USP31: variants seen among roughly 807,000 people sequenced by gnomAD.
USP31 encodes ubiquitin specific peptidase 31.
A neutral mutation model predicts 119.4 loss-of-function variants in USP31; 44 were observed. The ratio of observed to expected loss-of-function variants is 0.37; its 90% CI spans 0.29 to 0.47. The LOEUF is 0.47. USP31 is among the 20% of genes least tolerant of loss of function. The pLI is 0.99. For missense variants in USP31, 1,643 were observed against 1,730.2 expected (o/e 0.95, Z 0.89); for synonymous variants, 749 against 705.6 (o/e 1.06, Z -0.97).
Position 23,073,766 on chromosome 16 carries a change from C to A in USP31, c.2291G>T (p.Arg764Met). Reference sequence around the variant, plus strand: ...TGACCATGACGGGATGGCTGTCCGCCTCTGGTAGAAGAGGATGTATGCTGT... The same window carrying A: ...TGACCATGACGGGATGGCTGTCCGCATCTGGTAGAAGAGGATGTATGCTGT... ...TQTAYILFYQ[R>M]RTAIPSWSAN... The change falls in exon 14 of 16, where the codon AGG becomes ATG. Residue 764 changes from arginine (R) to methionine (M), a missense_variant. Physicochemically the swap from Arg to Met is moderately conservative, Grantham distance 91. Transcript: ENST00000219689. The A allele has an allele frequency of 1.2e-6, 2 of 1,613,680 alleles. No individual in the cohort carries two copies. The highest frequency in any genetic ancestry group is 2.2e-5 in the South Asian group (2 of 91,054).
intron 11 of USP31, among the ~76,000 whole-genome samples, chr16:23,082,829 C>CTTTTT (rs1388989158): frequency 2.3e-3 from 273 of 116,358 alleles, no homozygotes; most frequent in African/African-American, 7.3e-3. Flanking sequence ...TTCTTTCTCT[C>CTTTTT]TCTTTTTTTT....
chr16:23,068,380 G>A lies in USP31; in HGVS notation c.3725C>T (p.Thr1242Met), dbSNP rs758329347. Reference sequence around the variant, plus strand: ...GAGCAAGGCTGTCTTGCCAAGATCCGTCGAGCGCCGGGTTTCCTTCTGTCT... The same window carrying A: ...GAGCAAGGCTGTCTTGCCAAGATCCATCGAGCGCCGGGTTTCCTTCTGTCT... The part of the protein sequence containing the change: ...ALRQKETRRS[T>M]DLGKTALLSK... The change falls in exon 16 of 16, where the codon ACG becomes ATG. Residue 1242 changes from threonine (T) to methionine (M), a missense_variant. Thr to Met is a moderately conservative substitution (Grantham distance 81). Coordinates refer to ENST00000219689, the MANE Select transcript of USP31 (RefSeq NM_020718.4). 3.0e-5 allele frequency: 49 copies of A among 1,613,950 alleles called. No individual in the cohort carries two copies. Among genetic ancestry groups the A allele is most frequent in the Non-Finnish European group, 3.7e-5 (44 of 1,180,046 alleles).
At chr16:23,095,495 G>A (rs1007717713) in intron 6 of USP31, among the ~76,000 whole-genome samples, 3 of 152,044 alleles carry the variant, frequency 2.0e-5, no homozygotes, top group Non-Finnish European at 2.9e-5. Context: ...GAAATATAGA[G>A]AACACCACAA....
Position 23,061,928 on chromosome 16 carries a change from G to GT in USP31, c.*6117dup, listed in dbSNP as rs1276090141. ...GCAGACCTCTATGGAATGCAAACACGTATTTGAAAGGCCTACAAAGAGAAC... is the reference window on the plus strand; with the variant it reads ...GCAGACCTCTATGGAATGCAAACACGTTATTTGAAAGGCCTACAAAGAGAAC... On this transcript the variant is annotated 3_prime_UTR_variant, in exon 16 of 16. Coordinates refer to ENST00000219689, the MANE Select transcript of USP31 (RefSeq NM_020718.4). 5.2e-5 allele frequency: 8 copies of GT among 152,658 alleles called. No homozygotes were observed. Among genetic ancestry groups the GT allele is most frequent in the Non-Finnish European group, 8.8e-5 (6 of 68,038 alleles). 9.5% of individuals were successfully genotyped at this position (152,658 alleles called of 1,614,324 possible).
At chr16:23,133,748 T>A (rs1367947882) in intron 1 of USP31, among the ~76,000 whole-genome samples, 4 of 152,176 alleles carry the variant, frequency 2.6e-5, no homozygotes, top group Non-Finnish European at 5.9e-5. Context: ...CGTGGTTACC[T>A]GCCCCAAATT....
At chr16:23,119,360 G>A (rs1314590917) in intron 1 of USP31, among the ~76,000 whole-genome samples, 2 of 152,082 alleles carry the variant, frequency 1.3e-5, no homozygotes, top group Non-Finnish European at 2.9e-5. Flanking sequence ...AGCCTCCCAC[G>A]GTGCTGGGAT....
intron 5 of USP31, 103 bp downstream of exon 5, chr16:23,105,338 T>C: frequency 7.4e-7 from 1 of 1,351,796 alleles, no homozygotes. Flanking sequence ...TGGTTTTAAA[T>C]CTCTATCCAA....
At chr16:23,100,277 C>T (rs1374778242) in intron 6 of USP31, among the ~76,000 whole-genome samples, 4 of 152,132 alleles carry the variant, frequency 2.6e-5, no homozygotes, top group Non-Finnish European at 5.9e-5. Context: ...CCCAAATGTT[C>T]ATTAACAATG....
At chr16:23,110,800 A>G (rs547333175) in intron 1 of USP31, among the ~76,000 whole-genome samples, 4 of 152,258 alleles carry the variant, frequency 2.6e-5, no homozygotes, top group African/African-American at 9.6e-5. Context: ...TATAACCAGC[A>G]CTCAAATTTT....
At position 23,065,710 on chromosome 16, in the gene USP31, T is replaced by A. The variant is rs72772500; in HGVS notation, c.*2336A>T. On this transcript the variant is annotated 3_prime_UTR_variant, in exon 16 of 16. Coordinates refer to ENST00000219689, the MANE Select transcript of USP31 (RefSeq NM_020718.4). ...TAGAAACGTTTTTCCTTTTTTTTTTTAAGTCACTAGACATCGTGGAAAATC... is the reference window on the plus strand; with the variant it reads ...TAGAAACGTTTTTCCTTTTTTTTTTAAAGTCACTAGACATCGTGGAAAATC... 8.1e-3 allele frequency: 1,231 copies of A among 152,282 alleles called. 14 individuals are homozygous for A. Among genetic ancestry groups the A allele is most frequent in the Non-Finnish European group, 9.3e-3 (634 of 67,998 alleles). The allele number at this position is 152,282 out of a possible 1,614,324, so 9.4% of individuals were successfully genotyped here. A position where few individuals can be genotyped will look rare whatever the true frequency, so the allele number is the denominator to read the frequency against.
chr16:23,068,212 G>C lies in USP31; in HGVS notation c.3893C>G (p.Pro1298Arg). The C allele has an allele frequency of 6.2e-7, 1 of 1,614,190 alleles. No individual in the cohort carries two copies. The highest frequency in any genetic ancestry group is 8.5e-7 in the Non-Finnish European group (1 of 1,180,032). Residue 1298 changes from proline to arginine, a missense_variant, in exon 16 of 16, where the codon CCT (proline) becomes CGT (arginine). Coordinates refer to ENST00000219689, the MANE Select transcript of USP31 (RefSeq NM_020718.4). ...TGKEQLVTKD[P>R]ASAKHSLLSA... ...CAGCAGGGAATGTTTGGCAGAAGCA[G>C]GGTCCTTGGTGACAAGCTGCTCTTT...
chr16:23,119,965 C>A (rs1273855461), intron 1 of USP31, among the ~76,000 whole-genome samples: 1 of 152,196 alleles, frequency 6.6e-6, no homozygotes, highest in Non-Finnish European at 1.5e-5. Flanking sequence ...GTCCATCCTT[C>A]CCCGCACAAC....
rs372903018 is a variant in USP31, at chr16:23,083,336, T to C, written c.1831-779A>G. On this transcript the variant is annotated intron_variant, in intron 11 of 15. Transcript: ENST00000219689. ...TCCTCCAGGAACTTTGCTTCCTTTA[T>C]TTACTTGTTCCACTAGACTACAAAC... Among the ~76,000 whole-genome samples, 6 of 152,294 alleles carry C rather than the reference T, an allele frequency of 3.9e-5. No homozygotes were observed. In the East Asian group the frequency reaches 1.2e-3, roughly 29 times the overall value.
At chr16:23,122,398 C>T (rs1902702070) in intron 1 of USP31, among the ~76,000 whole-genome samples, 1 of 152,156 alleles carries the variant, frequency 6.6e-6, no homozygotes, top group South Asian at 2.1e-4. Context: ...TGGAAAAGTG[C>T]CTGACGGCTC....
intron 7 of USP31, among the ~76,000 whole-genome samples, chr16:23,089,214 C>G (rs1023081347): frequency 6.6e-6 from 1 of 152,146 alleles, no homozygotes; most frequent in Admixed American, 6.5e-5. Flanking sequence ...ATCCTTTCCC[C>G]CCATGTTCAC....
intron 13 of USP31, among the ~76,000 whole-genome samples, chr16:23,078,178 G>A (rs901148549): frequency 6.6e-6 from 1 of 151,892 alleles, no homozygotes; most frequent in Non-Finnish European, 1.5e-5. Context: ...TGGGTGTGGT[G>A]GTGTGTGCCT....
In USP31 at chr16:23,063,637, G is replaced by A. The variant is rs540510221; in HGVS notation, c.*4409C>T. 1 of 152,296 alleles carries A rather than the reference G, an allele frequency of 6.6e-6. No homozygotes were observed. The highest frequency in any genetic ancestry group is 6.6e-5 in the Admixed American group (1 of 15,248). The allele number at this position is 152,296 out of a possible 1,614,324, so 9.4% of individuals were successfully genotyped here. A position where few individuals can be genotyped will look rare whatever the true frequency, so the allele number is the denominator to read the frequency against. On this transcript the variant is annotated 3_prime_UTR_variant, in exon 16 of 16. Transcript: ENST00000219689. ...AAAACAGCAGAGAAATATATGCAGA[G>A]CAAAACAAGAAATCGCATTCATGCT...
intron 1 of USP31, among the ~76,000 whole-genome samples, chr16:23,146,355 C>T (rs1903503944): frequency 6.6e-6 from 1 of 151,878 alleles, no homozygotes; most frequent in Admixed American, 6.6e-5. Context: ...CTTGGGGAGG[C>T]CGAGGCAGGT....
intron 4 of USP31, 28 bp downstream of exon 4, chr16:23,106,185 G>T: frequency 1.2e-6 from 2 of 1,613,002 alleles, no homozygotes; most frequent in Non-Finnish European, 1.7e-6. Context: ...AGAAAATACA[G>T]TCTTCATTTT....
Sources: gnomAD v4.1 joint callset for allele counts (sites outside exome capture counted in the v4.1 genomes callset) on GRCh38, gnomAD v4.1.1 for gene constraint, MANE v1.5 for transcripts, NCBI Gene and HGNC (gene_info 2026-07-23, HGNC 2026-07-21) for gene names.